The following JAK1 variants were observed in gnomAD, a reference collection of about 807,000 sequenced individuals.
JAK1 encodes tyrosine-protein kinase JAK1.
A neutral mutation model predicts 136.6 loss-of-function variants in JAK1; 16 were observed. The observed-to-expected ratio is 0.12, with a 90% confidence interval of 0.08 to 0.18. The LOEUF (loss-of-function observed/expected upper bound fraction) is 0.18. JAK1 is among the 10% of genes least tolerant of loss of function. The probability of loss-of-function intolerance (pLI) is 1.00; values close to 1 mark genes in which losing one functional copy is unlikely to be tolerated. For missense variants in JAK1, 859 were observed against 1,450.1 expected (o/e 0.59, Z 6.62); for synonymous variants, 492 against 519.5 (o/e 0.95, Z 0.72).
At chr1:65,040,230 A>G (rs79503321) in intron 2 of JAK1, among the ~76,000 whole-genome samples, 4 of 151,552 alleles carry the variant, frequency 2.6e-5, no homozygotes, top group Non-Finnish European at 4.4e-5. Context: ...AAAAAAAAAA[A>G]GAAGTCTGAA....
intron 1 of JAK1, among the ~76,000 whole-genome samples, chr1:64,893,100 G>C (rs930568788): frequency 2.6e-5 from 4 of 151,850 alleles, no homozygotes; most frequent in Admixed American, 1.3e-4. Flanking sequence ...TTCAGAAATG[G>C]AGAAGACTGA....
At chr1:64,838,878 G>A (rs182843641) in intron 20 of JAK1, among the ~76,000 whole-genome samples, 37 of 152,188 alleles carry the variant, frequency 2.4e-4, no homozygotes, top group African/African-American at 8.7e-4. Flanking sequence ...GGGCGCGGTG[G>A]CTCACGCTTG....
At chr1:65,007,282 T>C (rs941981840) in intron 2 of JAK1, among the ~76,000 whole-genome samples, 2 of 152,150 alleles carry the variant, frequency 1.3e-5, no homozygotes. Flanking sequence ...AGACTTGGTC[T>C]CTTGTCTTCT....
At chr1:64,909,754 G>T (rs1031158240) in intron 1 of JAK1, among the ~76,000 whole-genome samples, 1 of 152,120 alleles carries the variant, frequency 6.6e-6, no homozygotes, top group African/African-American at 2.4e-5. Context: ...AGCCTGGGAG[G>T]TCGAGGCTGC....
intron 1 of JAK1, among the ~76,000 whole-genome samples, chr1:64,917,114 T>C (rs888737966): frequency 2.0e-5 from 3 of 151,988 alleles, no homozygotes; most frequent in African/African-American, 7.3e-5. Flanking sequence ...TTTCATAACA[T>C]TGGAAACAAG....
chr1:64,915,551 A>G (rs1311319706), intron 1 of JAK1, among the ~76,000 whole-genome samples: 1 of 152,186 alleles, frequency 6.6e-6, no homozygotes, highest in Non-Finnish European at 1.5e-5. Flanking sequence ...AAAAGTCTAG[A>G]CCAGCACTGT....
At chr1:64,986,738 T>A (rs1331858504) in intron 2 of JAK1, among the ~76,000 whole-genome samples, 2 of 151,768 alleles carry the variant, frequency 1.3e-5, no homozygotes, top group Non-Finnish European at 2.9e-5. Flanking sequence ...TACAAAAAAA[T>A]GGTGTTGCAT....
chr1:64,869,871 C>A (rs1489818822), intron 5 of JAK1, among the ~76,000 whole-genome samples: 1 of 152,282 alleles, frequency 6.6e-6, no homozygotes, highest in East Asian at 1.9e-4. Flanking sequence ...TGTCTAGGAG[C>A]TGGGTGTACA....
intron 8 of JAK1, among the ~76,000 whole-genome samples, 177 bp from the exon 9 acceptor site, chr1:64,860,439 T>G (rs1570653937): frequency 6.6e-6 from 1 of 150,414 alleles, no homozygotes; most frequent in South Asian, 2.1e-4. Context: ...TTTATTTATT[T>G]ATTTATTTAT....
intron 1 of JAK1, among the ~76,000 whole-genome samples, chr1:64,954,287 A>G (rs1054913145): frequency 2.6e-5 from 4 of 152,224 alleles, no homozygotes; most frequent in Admixed American, 1.3e-4. Context: ...AATAAGATCC[A>G]AGTCTCTGGC....
At chr1:65,062,431 A>G (rs1647833568) in intron 1 of JAK1, among the ~76,000 whole-genome samples, 1 of 152,194 alleles carries the variant, frequency 6.6e-6, no homozygotes, top group African/African-American at 2.4e-5. Context: ...TTATTACTAC[A>G]GCACTGCCAT....
chr1:64,890,292 A>G (rs1644915789), intron 1 of JAK1, among the ~76,000 whole-genome samples: 1 of 152,168 alleles, frequency 6.6e-6, no homozygotes, highest in Non-Finnish European at 1.5e-5. Flanking sequence ...CCTCAGCACA[A>G]ATTAGGTGAT....
intron 2 of JAK1, chr1:64,990,327 A>T (rs559677339): frequency 2.0e-5 from 3 of 152,244 alleles, no homozygotes; most frequent in Non-Finnish European, 2.9e-5. Context: ...AAACAAAAAA[A>T]CCCCACTCAC....
intron 1 of JAK1, among the ~76,000 whole-genome samples, chr1:65,053,805 G>A (rs1244031253): frequency 1.3e-5 from 2 of 152,152 alleles, no homozygotes; most frequent in East Asian, 3.8e-4. Context: ...CTGAGCTATG[G>A]AAGACCCTGT....
At chr1:64,916,910 G>A (rs1645407425) in intron 1 of JAK1, among the ~76,000 whole-genome samples, 1 of 151,066 alleles carries the variant, frequency 6.6e-6, no homozygotes, top group Non-Finnish European at 1.5e-5. Flanking sequence ...AAAGAGATAA[G>A]AAAATTAAAG....
chr1:64,914,467 G>A (rs537623634), intron 1 of JAK1, among the ~76,000 whole-genome samples: 1 of 152,348 alleles, frequency 6.6e-6, no homozygotes, highest in East Asian at 1.9e-4. Flanking sequence ...ATAAACAGCT[G>A]AGGAGAAAAG....
intron 1 of JAK1, chr1:65,066,685 C>T (rs980474986): frequency 6.5e-6 from 1 of 152,694 alleles, no homozygotes; most frequent in Non-Finnish European, 1.5e-5. Context: ...CCGCGCGGGG[C>T]TCGCCCTCTC....
In JAK1 at chr1:64,833,507, GCTACCTCCAAGCAAA is replaced by G. The variant is rs1224993601; in HGVS notation, c.*1040_*1054del. ...ATGACTAAACATTTTTGATTACCCA[GCTACCTCCAAGCAAA>G]CTGAAAACTGTCTAGTGGATCCTGA... On this transcript the variant is annotated 3_prime_UTR_variant, in exon 25 of 25. Transcript: ENST00000342505. The G allele has an allele frequency of 1.3e-5, 3 of 232,866 alleles. No individual in the cohort carries two copies. The highest frequency in any genetic ancestry group is 6.6e-5 in the African/African-American group (3 of 45,320). The allele number at this position is 232,866 out of a possible 1,614,324, so 14.4% of individuals were successfully genotyped here.
At position 64,984,965 on chromosome 1, in the gene JAK1, AAAG is replaced by A; in HGVS notation, c.-78+59512_-78+59514del. On this transcript the variant is annotated intron_variant, in intron 2 of 25. Transcript: ENST00000671954. This position sits in a 1 kb window ranked among gnomAD's most constrained non-coding sequence, Gnocchi z 4.1. ...AGGGAATGTGGTCTGGCCCAATTTC[AAAG>A]AAGACCACAAAGACCAAGATAGCCC... is the stretch of plus-strand genomic sequence containing the variant. The A allele has an allele frequency of 1.0e-6, 1 of 980,438 alleles. No homozygotes were observed. Among genetic ancestry groups the A allele is most frequent in the South Asian group, 1.3e-5 (1 of 78,300 alleles). 60.7% of individuals were successfully genotyped at this position (980,438 alleles called of 1,614,324 possible).
Sources: gnomAD v4.1 joint callset for allele counts (sites outside exome capture counted in the v4.1 genomes callset) on GRCh38, gnomAD v4.1.1 for gene constraint, Gnocchi (gnomAD v3.1) non-coding constraint, MANE v1.5 for transcripts, NCBI Gene and HGNC (gene_info 2026-07-23, HGNC 2026-07-21) for gene names.